Variants in KCNMA1 observed in about 807,000 individuals in gnomAD.
The protein encoded by KCNMA1 is Calcium-activated potassium channel subunit alpha-1.
In KCNMA1, 29 loss-of-function variants were observed where a neutral mutation model predicts 140.0. That is an observed-to-expected ratio of 0.21 (90% CI 0.15 to 0.28). KCNMA1 has a LOEUF of 0.28. Among genes scored for constraint, KCNMA1 ranks in the 10% least tolerant of loss-of-function variants. KCNMA1 has a pLI of 1.00. For missense variants in KCNMA1, 880 were observed against 1,602.2 expected, an observed-to-expected ratio of 0.55 and a Z score of 7.70; for synonymous variants, 612 against 611.9, an observed-to-expected ratio of 1.00 and a Z score of 0.00.
intron 16 of KCNMA1, among the ~76,000 whole-genome samples, chr10:77,027,022 A>G (rs2093519508): frequency 6.6e-6 from 1 of 152,208 alleles, no homozygotes; most frequent in African/African-American, 2.4e-5. Flanking sequence ...GTCATTTCAG[A>G]GAACAAAAGC....
intron 2 of KCNMA1, among the ~76,000 whole-genome samples, chr10:77,360,388 G>A (rs2093842444): frequency 6.9e-6 from 1 of 145,900 alleles, no homozygotes. Context: ...TCGTCTGTGA[G>A]CCCAGGGGCC....
intron 8 of KCNMA1, among the ~76,000 whole-genome samples, chr10:77,109,653 C>T (rs1159759867): frequency 1.3e-5 from 2 of 152,152 alleles, no homozygotes; most frequent in Admixed American, 6.5e-5. Context: ...TGGGGATGTC[C>T]GCCTGGACAA....
At chr10:77,434,400 G>A (rs776197210) in intron 1 of KCNMA1, among the ~76,000 whole-genome samples, 9 of 152,168 alleles carry the variant, frequency 5.9e-5, no homozygotes, top group South Asian at 2.1e-4. Flanking sequence ...AGGGAAGATC[G>A]TGTTCAGGAA....
intron 19 of KCNMA1, among the ~76,000 whole-genome samples, chr10:76,987,695 G>T (rs2153276585): frequency 6.6e-6 from 1 of 152,308 alleles, no homozygotes; most frequent in African/African-American, 2.4e-5. Flanking sequence ...CTCAGGAAAA[G>T]GTTCCAGAAA....
At chr10:77,523,209 C>CCA (rs1044118267) in intron 1 of KCNMA1, among the ~76,000 whole-genome samples, 7 of 149,882 alleles carry the variant, frequency 4.7e-5, no homozygotes, top group African/African-American at 1.5e-4. Flanking sequence ...ACGTGCCCCC[C>CCA]CCCCTTGCAA....
chr10:77,288,115 C>T (rs1329671183), intron 2 of KCNMA1, among the ~76,000 whole-genome samples: 5 of 152,224 alleles, frequency 3.3e-5, no homozygotes, highest in Non-Finnish European at 1.5e-5. Context: ...GAAATGGGCA[C>T]AGCAAATCAC....
chr10:77,141,873 C>T (rs971477800), intron 5 of KCNMA1, among the ~76,000 whole-genome samples: 2 of 152,198 alleles, frequency 1.3e-5, no homozygotes, highest in African/African-American at 4.8e-5. Flanking sequence ...AACATTTCTT[C>T]TCAATGTGGA....
At chr10:77,201,018 A>T (rs1350138140) in intron 3 of KCNMA1, among the ~76,000 whole-genome samples, 1 of 152,180 alleles carries the variant, frequency 6.6e-6, no homozygotes, top group South Asian at 2.1e-4. Flanking sequence ...CTCTCACAGA[A>T]TCCTGACCTT....
intron 1 of KCNMA1, among the ~76,000 whole-genome samples, chr10:77,600,763 ACACATGCACACACACATATGCG>A (rs1226115075): frequency 2.7e-5 from 4 of 150,480 alleles, no homozygotes; most frequent in Non-Finnish European, 5.9e-5. Flanking sequence ...ACACACACAC[ACACATGCACACACACATATGCG>A]CACATGCACA....
At chr10:77,040,253 A>T (rs2094591373) in intron 14 of KCNMA1, among the ~76,000 whole-genome samples, 1 of 152,036 alleles carries the variant, frequency 6.6e-6, no homozygotes, top group Non-Finnish European at 1.5e-5. Flanking sequence ...AAATTGATAC[A>T]ACTGTTTTGA....
chr10:77,481,575 C>T (rs1329749713), intron 1 of KCNMA1, among the ~76,000 whole-genome samples: 1 of 151,898 alleles, frequency 6.6e-6, no homozygotes, highest in African/African-American at 2.4e-5. Context: ...GAGATCGAGA[C>T]CATCCTGGTG....
Position 77,108,569 on chromosome 10 carries a change from T to C in KCNMA1, c.1135A>G (p.Met379Val). ...MVFFILGGLA[M>V]FASYVPEIIE... ...ATTTCAGGGACGTAGCTGGCAAACA[T>C]GGCCTGAGAAGATAGGAGACAGAAG... is the stretch of plus-strand genomic sequence containing the variant. Residue 379 changes from methionine (M) to valine (V), a missense_variant, in exon 9 of 28, where the codon ATG becomes GTG. By Grantham distance (21) the Met-to-Val change is conservative. This residue lies in a region of KCNMA1 where 198 missense variants were observed against 580.1 expected (regional missense o/e 0.34). Transcript: ENST00000286628. The surrounding 1 kb of genome is among the most constrained non-coding windows in gnomAD (Gnocchi z 4.6). 1 of 1,612,260 alleles carries C rather than the reference T, an allele frequency of 6.2e-7. No homozygotes were observed. The highest frequency in any genetic ancestry group is 8.5e-7 in the Non-Finnish European group (1 of 1,179,024).
chr10:77,476,115 G>A (rs561213071), intron 1 of KCNMA1, among the ~76,000 whole-genome samples: 11 of 152,334 alleles, frequency 7.2e-5, no homozygotes, highest in African/African-American at 2.2e-4. Flanking sequence ...CTTTGAGCAG[G>A]AGAGCAAATG....
chr10:77,191,779 A>T (rs1598363310), intron 3 of KCNMA1, among the ~76,000 whole-genome samples: 1 of 152,252 alleles, frequency 6.6e-6, no homozygotes, highest in South Asian at 2.1e-4. Context: ...GTAAATAGAA[A>T]ACAGTTTTTG....
intron 1 of KCNMA1, among the ~76,000 whole-genome samples, chr10:77,503,403 A>G (rs2044633150): frequency 6.6e-6 from 1 of 152,150 alleles, no homozygotes; most frequent in African/African-American, 2.4e-5. Flanking sequence ...GGAGAGACAG[A>G]TCACTTCACT....
chr10:77,323,256 C>T lies in KCNMA1; in HGVS notation c.541-72000G>A, dbSNP rs184664844. On this transcript the variant is annotated intron_variant, in intron 2 of 27. Coordinates refer to ENST00000286628, the MANE Select transcript of KCNMA1 (RefSeq NM_001161352.2). ...AGGCAAAGGAGATGAAACTGGTCTC[C>T]ATGTTGAGGACAGACTGGTACATTA... is the stretch of plus-strand genomic sequence containing the variant. Among the ~76,000 whole-genome samples, 5 of 152,294 alleles carry T rather than the reference C, an allele frequency of 3.3e-5. No homozygotes were observed. The East Asian group carries it at 9.7e-4, about 29-fold the overall frequency.
chr10:77,038,734 T>C (rs11001983), intron 15 of KCNMA1, among the ~76,000 whole-genome samples: 3,451 of 152,252 alleles, frequency 0.023, 63 homozygotes, highest in South Asian at 0.053. Context: ...AGAGATAAAG[T>C]CTCACTGTGT....
intron 2 of KCNMA1, among the ~76,000 whole-genome samples, chr10:77,383,412 AT>A (rs11326515): frequency 0.76 from 109,591 of 143,500 alleles, 41,490 homozygotes; most frequent in Middle Eastern, 0.81. Flanking sequence ...TAACCTCGAG[AT>A]TTTTTTTTTT....
At chr10:77,439,636 A>T (rs1358573857) in intron 1 of KCNMA1, among the ~76,000 whole-genome samples, 1 of 152,202 alleles carries the variant, frequency 6.6e-6, no homozygotes, top group African/African-American at 2.4e-5. Flanking sequence ...GGGCTCTCTG[A>T]AAGTGGCCAG....
Sources: allele counts gnomAD v4.1 joint callset (sites outside exome capture counted in the v4.1 genomes callset), GRCh38; gene constraint gnomAD v4.1.1; regional missense constraint gnomAD v4.1.1; non-coding constraint Gnocchi (gnomAD v3.1); transcripts MANE v1.5; gene names NCBI Gene and HGNC (gene_info 2026-07-23, HGNC 2026-07-21).